Variants in DLGAP2 observed in about 807,000 individuals in gnomAD.
The protein encoded by DLGAP2 is disks large-associated protein 2.
DLGAP2 carries 26 observed loss-of-function variants against 100.3 expected under a neutral mutation model. The ratio of observed to expected loss-of-function variants is 0.26; its 90% CI spans 0.19 to 0.36. DLGAP2 has a LOEUF of 0.36. DLGAP2 is among the 10% of genes least tolerant of loss of function. The pLI is 1.00. For missense variants in DLGAP2, 1,858 were observed against 1,453.2 expected, an observed-to-expected ratio of 1.28 and a Z score of -4.53; for synonymous variants, 886 against 630.1, an observed-to-expected ratio of 1.41 and a Z score of -6.08.
At chr8:1,427,906 G>C (rs545136398) in intron 3 of DLGAP2, among the ~76,000 whole-genome samples, 2 of 152,128 alleles carry the variant, frequency 1.3e-5, no homozygotes, top group Admixed American at 6.5e-5. Flanking sequence ...ACTTAACAGT[G>C]CCGCAATGAA....
intron 6 of DLGAP2, among the ~76,000 whole-genome samples, chr8:1,584,988 A>G (rs1032550666): frequency 6.6e-6 from 1 of 152,228 alleles, no homozygotes; most frequent in Non-Finnish European, 1.5e-5. Flanking sequence ...ACTTAAGTAC[A>G]ATGAAAGACA....
At chr8:961,148 A>C (rs1799716123) in intron 2 of DLGAP2, among the ~76,000 whole-genome samples, 1 of 152,230 alleles carries the variant, frequency 6.6e-6, no homozygotes, top group Admixed American at 6.5e-5. Context: ...ATGCATTAAA[A>C]GGTCTTGGTT....
chr8:1,318,241 C>G (rs1800811907), intron 3 of DLGAP2, among the ~76,000 whole-genome samples: 1 of 152,178 alleles, frequency 6.6e-6, no homozygotes, highest in South Asian at 2.1e-4. Flanking sequence ...GGTCCTGTTT[C>G]AAACTTTGAT....
intron 2 of DLGAP2, among the ~76,000 whole-genome samples, chr8:1,179,421 T>C (rs1294007346): frequency 6.6e-6 from 1 of 152,256 alleles, no homozygotes; most frequent in Non-Finnish European, 1.5e-5. Context: ...CTGCCAGCTT[T>C]CTGGGAAGGC....
At chr8:1,292,295 G>A (rs1417536160) in intron 3 of DLGAP2, among the ~76,000 whole-genome samples, 3 of 152,198 alleles carry the variant, frequency 2.0e-5, no homozygotes, top group Non-Finnish European at 2.9e-5. Flanking sequence ...GAATGTGGAA[G>A]GACAGGAGGA....
intron 2 of DLGAP2, among the ~76,000 whole-genome samples, chr8:1,171,835 C>T (rs568773395): frequency 1.3e-5 from 2 of 152,086 alleles, no homozygotes; most frequent in Non-Finnish European, 2.9e-5. Flanking sequence ...GACTCTTTAT[C>T]CAATTTGCCA....
chr8:1,623,567 CGTGATGACCTGACACCAGTGTGT>C (rs1797408658), intron 6 of DLGAP2, among the ~76,000 whole-genome samples: 1 of 147,536 alleles, frequency 6.8e-6, no homozygotes, highest in Non-Finnish European at 1.5e-5. Context: ...GGCACCAGTG[CGTGATGACCTGACACCAGTGTGT>C]GATGACCTGG....
chr8:1,632,364 C>G (rs1472706645), intron 7 of DLGAP2, among the ~76,000 whole-genome samples: 4 of 152,176 alleles, frequency 2.6e-5, no homozygotes, highest in Non-Finnish European at 4.4e-5. Context: ...TGAAAAAGAA[C>G]TGAGTAGTGT....
chr8:1,351,495 T>A (rs371301304), intron 3 of DLGAP2, among the ~76,000 whole-genome samples: 38 of 10,618 alleles, frequency 3.6e-3, no homozygotes, highest in Non-Finnish European at 4.7e-3. Flanking sequence ...TGTGTGTGGA[T>A]AGGCTGTGCG....
chr8:1,544,554 T>C (rs1458735402), intron 4 of DLGAP2, among the ~76,000 whole-genome samples: 1 of 152,184 alleles, frequency 6.6e-6, no homozygotes, highest in Admixed American at 6.5e-5. Flanking sequence ...TCACATGCCT[T>C]TTCTGTATCA....
intron 3 of DLGAP2, among the ~76,000 whole-genome samples, chr8:1,413,972 A>G (rs1732421433): frequency 6.6e-6 from 1 of 152,198 alleles, no homozygotes; most frequent in South Asian, 2.1e-4. Context: ...CACCATCAAC[A>G]GGGTGCTGTG....
chr8:1,073,354 G>T (rs1229947261), intron 2 of DLGAP2, among the ~76,000 whole-genome samples: 2 of 151,992 alleles, frequency 1.3e-5, no homozygotes, highest in Non-Finnish European at 2.9e-5. Context: ...ATAAAGTTTT[G>T]TAGTTAATAC....
intron 2 of DLGAP2, among the ~76,000 whole-genome samples, chr8:1,076,241 G>A (rs753394002): frequency 2.6e-5 from 4 of 152,178 alleles, no homozygotes; most frequent in Non-Finnish European, 5.9e-5. Context: ...TGCCTGTGAA[G>A]GAATGAGCCT....
intron 3 of DLGAP2, among the ~76,000 whole-genome samples, chr8:1,316,261 A>T (rs1800745226): frequency 7.4e-6 from 1 of 134,584 alleles, no homozygotes; most frequent in Non-Finnish European, 1.6e-5. Context: ...AGCTTTTAAA[A>T]ATAGAGCGTG....
intron 2 of DLGAP2, among the ~76,000 whole-genome samples, chr8:1,237,226 C>G (rs1387129305): frequency 3.5e-5 from 5 of 144,488 alleles, no homozygotes; most frequent in African/African-American, 1.4e-4. Context: ...AGTTCTCTCA[C>G]ATGGCGCCGT....
At chr8:909,545 C>T (rs1798444121) in intron 2 of DLGAP2, among the ~76,000 whole-genome samples, 1 of 151,724 alleles carries the variant, frequency 6.6e-6, no homozygotes, top group South Asian at 2.1e-4. Context: ...GTTTTATTTA[C>T]TTTTCATGAG....
chr8:1,486,478 G>C (rs1799239147), intron 3 of DLGAP2, among the ~76,000 whole-genome samples: 1 of 152,174 alleles, frequency 6.6e-6, no homozygotes, highest in South Asian at 2.1e-4. Context: ...GGCTCTGAAA[G>C]TAGTTTGCCT....
chr8:1,684,882 C>G (rs1214558639), intron 12 of DLGAP2, among the ~76,000 whole-genome samples: 1 of 152,246 alleles, frequency 6.6e-6, no homozygotes, highest in South Asian at 2.1e-4. Context: ...CAAGGGAGCA[C>G]ATGTACACAC....
intron 6 of DLGAP2, among the ~76,000 whole-genome samples, chr8:1,603,089 T>C (rs1413241610): frequency 2.6e-5 from 4 of 151,606 alleles, no homozygotes; most frequent in Non-Finnish European, 5.9e-5. Flanking sequence ...GTCTCAGTTC[T>C]GCAGAGGCTG....
Sources: gnomAD v4.1 joint callset for allele counts (sites outside exome capture counted in the v4.1 genomes callset) on GRCh38, gnomAD v4.1.1 for gene constraint, MANE v1.5 for transcripts, NCBI Gene and HGNC (gene_info 2026-07-23, HGNC 2026-07-21) for gene names.